The following SPATA46 variants were observed in gnomAD, a reference collection of about 807,000 sequenced individuals.
SPATA46 encodes spermatogenesis associated 46.
Under a neutral mutation model 6.2 loss-of-function variants are expected in SPATA46, and 3 were observed. That is an observed-to-expected ratio of 0.48 (90% CI 0.22 to 1.25). SPATA46 has a LOEUF of 1.25. SPATA46 is among the 50% of genes most tolerant of loss of function. The pLI is 0.20. For synonymous variants in SPATA46, 117 were observed against 123.3 expected (o/e 0.95, Z 0.34); for missense variants, 308 against 323.5 (o/e 0.95, Z 0.37).
chr1:162,376,750 A>G lies in SPATA46; in HGVS notation c.41T>C (p.Ile14Thr). 1 of 1,614,104 alleles carries G rather than the reference A, an allele frequency of 6.2e-7. No individual in the cohort carries two copies. Among genetic ancestry groups the G allele is most frequent in the Non-Finnish European group, 8.5e-7 (1 of 1,180,018 alleles). Residue 14 changes from isoleucine (I) to threonine (T), a missense_variant, in exon 1 of 3, where the codon ATC becomes ACC. Coordinates refer to ENST00000367935, the MANE Select transcript of SPATA46 (RefSeq NM_182581.4). ...FSLLSISGPP[I>T]SSSALSAFPD... ...AAAAGCACTCAGGGCGGAGGAAGAG[A>G]TTGGAGGTCCAGAGATGCTGAGGAG...
chr1:162,376,594 A>T, intron 1 of SPATA46, 94 bp downstream of exon 1: 1 of 1,209,768 alleles, frequency 8.3e-7, no homozygotes, highest in Non-Finnish European at 1.2e-6. Flanking sequence ...CTTTCTCACT[A>T]AATCATGGTC....
chr1:162,374,071 C>CGCCAATTT lies in SPATA46; in HGVS notation c.755_762dup (p.Gly255LysfsTer25). On this transcript the variant is annotated frameshift_variant, in exon 3 of 3. Coordinates refer to ENST00000367935, the MANE Select transcript of SPATA46 (RefSeq NM_182581.4). LOFTEE classifies it high-confidence loss of function. ...CTCTAGAGACATAAGTAGGCTTCAC[C>CGCCAATTT]GCCAATTTGCCTAAGGTGTTCAGCA... The CGCCAATTT allele has an allele frequency of 6.2e-7, 1 of 1,608,978 alleles. No homozygotes were observed.
At position 162,374,361 on chromosome 1, in the gene SPATA46, C is replaced by T. The variant is rs1387715518; in HGVS notation, c.473G>A (p.Arg158Lys). 1.2e-6 allele frequency: 2 copies of T among 1,614,074 alleles called. No individual in the cohort carries two copies. The highest frequency in any genetic ancestry group is 1.7e-6 in the Non-Finnish European group (2 of 1,180,044). Residue 158 changes from arginine (R) to lysine (K), a missense_variant, in exon 3 of 3, where the codon AGG becomes AAG. Physicochemically the swap from Arg to Lys is conservative, Grantham distance 26. Transcript: ENST00000367935. ...GGATGTGATGGAGTCCAGGCCATGC[C>T]TGGATTTCTTGGTGGCTTCTCGAGG... ...TCPREATKKS[R>K]HGLDSITSQD... is the part of the protein sequence containing the mutation.
At position 162,373,227 on chromosome 1, in the gene SPATA46, C is replaced by T. The variant is rs553606529; in HGVS notation, c.*821G>A. On this transcript the variant is annotated 3_prime_UTR_variant, in exon 3 of 3. Transcript: ENST00000367935. ...CAAGATAGATGTCTCTGCTGCATCC[C>T]TGATGCTTATCCATCTTTCTGGGTC... 2.0e-5 allele frequency: 3 copies of T among 152,322 alleles called. No homozygotes were observed. The highest frequency in any genetic ancestry group is 2.9e-5 in the Non-Finnish European group (2 of 68,042). 9.4% of individuals were successfully genotyped at this position (152,322 alleles called of 1,614,324 possible).
rs182178991 is a variant in SPATA46, at chr1:162,374,591, G to A, written c.243C>T (p.His81=). 106 of 1,612,728 alleles carry A rather than the reference G, an allele frequency of 6.6e-5. No individual in the cohort carries two copies. Among genetic ancestry groups the A allele is most frequent in the East Asian group, 5.1e-4 (23 of 44,880 alleles). ...TGCAGTTCCGCCTCAGCTTCTCTCC[G>A]TGCTGGGTATCCCCCAAGCTGCAGT... ...SPDCSLGDTQ[H]GEKLRRNCTI... The change falls in exon 3 of 3, where the codon CAC becomes CAT. Residue 81 remains histidine, a synonymous_variant. Coordinates refer to ENST00000367935, the MANE Select transcript of SPATA46 (RefSeq NM_182581.4).
At position 162,374,598 on chromosome 1, in the gene SPATA46, G is replaced by C; in HGVS notation, c.236C>G (p.Thr79Ser). ...ALSPDCSLGD[T>S]QHGEKLRRNC... ...CCGCCTCAGCTTCTCTCCGTGCTGG[G>C]TATCCCCCAAGCTGCAGTCTGCAAA... Residue 79 changes from threonine (T) to serine (S), a missense_variant, in exon 3 of 3, where the codon ACC (threonine) becomes AGC (serine). Thr to Ser is a moderately conservative substitution (Grantham distance 58). Coordinates refer to ENST00000367935, the MANE Select transcript of SPATA46 (RefSeq NM_182581.4). The C allele has an allele frequency of 6.2e-7, 1 of 1,612,318 alleles. No individual in the cohort carries two copies. Among genetic ancestry groups the C allele is most frequent in the East Asian group, 2.2e-5 (1 of 44,876 alleles).
intron 2 of SPATA46, 124 bp from the exon 3 acceptor site, chr1:162,374,740 G>A (rs1647588951): frequency 2.1e-6 from 2 of 955,356 alleles, no homozygotes; most frequent in South Asian, 3.3e-5. Flanking sequence ...CACCACGATT[G>A]CAGTTCTGAG....
intron 1 of SPATA46, 146 bp from the exon 2 acceptor site, chr1:162,375,549 G>A (rs1415401095): frequency 1.6e-6 from 1 of 640,856 alleles, no homozygotes; most frequent in South Asian, 1.9e-5. Flanking sequence ...AACTCAGCCA[G>A]GCAGAGCTAT....
rs187072387 is a variant in SPATA46, at chr1:162,376,238, G to A, written c.103+450C>T. ...CTGCTGCTTAGGCTTCTCTGATTTG[G>A]CTAACTCCAAATCCTCTCCAAACTT... On this transcript the variant is annotated intron_variant, in intron 1 of 2. Transcript: ENST00000367935. Among the ~76,000 whole-genome samples, 245 of 152,188 alleles carry A rather than the reference G, an allele frequency of 1.6e-3. 3 individuals carry two copies. The highest frequency in any genetic ancestry group is 5.6e-3 in the African/African-American group (233 of 41,506).
At chr1:162,376,520 G>A in intron 1 of SPATA46, 168 bp downstream of exon 1, 1 of 670,164 alleles carries the variant, frequency 1.5e-6, no homozygotes, top group South Asian at 2.0e-5. Flanking sequence ...TCAATACACA[G>A]CAGTAACTAC....
Position 162,375,400 on chromosome 1 carries a change from AT to A in SPATA46, c.106del (p.Ile36LeufsTer50). 1 of 1,613,648 alleles carries A rather than the reference AT, an allele frequency of 6.2e-7. No individual in the cohort carries two copies. The highest frequency in any genetic ancestry group is 1.1e-5 in the South Asian group (1 of 91,072). Reference protein sequence around the residue: ...MFSRATSLPDIAKTAVPTEAS... With the variant: ...MFSRATSLPDXAKTAVPTEAS... Reference sequence around the variant, plus strand: ...CTCAGTGGGTACTGCTGTCTTTGCAATGTCTGGGTTATAGAAGAAACACTGG... The same window carrying A: ...CTCAGTGGGTACTGCTGTCTTTGCAAGTCTGGGTTATAGAAGAAACACTGG... On this transcript the variant is annotated frameshift_variant and splice_region_variant, in exon 2 of 3. Transcript: ENST00000367935. LOFTEE classifies it high-confidence loss of function.
chr1:162,376,328 C>T (rs766833571), intron 1 of SPATA46, among the ~76,000 whole-genome samples: 3 of 152,060 alleles, frequency 2.0e-5, no homozygotes, highest in Non-Finnish European at 4.4e-5. Context: ...AGATTTCATG[C>T]ACAATCTAGG....
intron 2 of SPATA46, 64 bp from the exon 3 acceptor site, chr1:162,374,680 C>T (rs1571258102): frequency 2.0e-6 from 3 of 1,504,058 alleles, no homozygotes; most frequent in African/African-American, 2.8e-5. Flanking sequence ...GATGCTGGAG[C>T]AGAAAGGTAA....
At position 162,376,679 on chromosome 1, in the gene SPATA46, A is replaced by C; in HGVS notation, c.103+9T>G. Reference sequence around the variant, plus strand: ...ACATCTTTGTGGCCCTAGTGGCACCAAAGTTTACCTGGCAGGCTGGTGGCA... The same window carrying C: ...ACATCTTTGTGGCCCTAGTGGCACCCAAGTTTACCTGGCAGGCTGGTGGCA... On this transcript the variant is annotated intron_variant, in intron 1 of 2. Transcript: ENST00000367935. The C allele has an allele frequency of 6.2e-7, 1 of 1,613,012 alleles. No individual in the cohort carries two copies. Among genetic ancestry groups the C allele is most frequent in the Non-Finnish European group, 8.5e-7 (1 of 1,179,134 alleles).
chr1:162,373,994 G>A lies in SPATA46; in HGVS notation c.*54C>T. On this transcript the variant is annotated 3_prime_UTR_variant, in exon 3 of 3. Coordinates refer to ENST00000367935, the MANE Select transcript of SPATA46 (RefSeq NM_182581.4). ...GGTTCTGGGAAGGACAGCAGGCTGTGCGGGGTGACCTCAGACTGGACAGAA... is the reference window on the plus strand; with the variant it reads ...GGTTCTGGGAAGGACAGCAGGCTGTACGGGGTGACCTCAGACTGGACAGAA... 6.6e-7 allele frequency: 1 copy of A among 1,522,600 alleles called. No individual in the cohort carries two copies. Among genetic ancestry groups the A allele is most frequent in the Non-Finnish European group, 8.9e-7 (1 of 1,129,100 alleles). 94.3% of individuals were successfully genotyped at this position (1,522,600 alleles called of 1,614,324 possible).
At chr1:162,374,714 T>C (rs551018437) in intron 2 of SPATA46, 98 bp from the exon 3 acceptor site, 1 of 1,252,404 alleles carries the variant, frequency 8.0e-7, no homozygotes, top group South Asian at 1.5e-5. Flanking sequence ...AGGCATGACC[T>C]CGGTTACCTC....
Position 162,373,843 on chromosome 1 carries a change from T to G in SPATA46, c.*205A>C. On this transcript the variant is annotated 3_prime_UTR_variant, in exon 3 of 3. Transcript: ENST00000367935. ...TGCTGGTACTGCCAGCTGGGCACCT[T>G]TGAGAACCTCTATCTTAGATGATTT... The G allele has an allele frequency of 1.8e-6, 1 of 570,604 alleles. No homozygotes were observed. Among genetic ancestry groups the G allele is most frequent in the Non-Finnish European group, 3.0e-6 (1 of 338,696 alleles). 35.3% of individuals were successfully genotyped at this position (570,604 alleles called of 1,614,324 possible).
At position 162,374,373 on chromosome 1, in the gene SPATA46, G is replaced by A; in HGVS notation, c.461C>T (p.Thr154Ile). The A allele has an allele frequency of 6.2e-7, 1 of 1,614,234 alleles. No individual in the cohort carries two copies. Among genetic ancestry groups the A allele is most frequent in the East Asian group, 2.2e-5 (1 of 44,882 alleles). Residue 154 changes from threonine (T) to isoleucine (I), a missense_variant, in exon 3 of 3, where the codon ACC becomes ATC. By Grantham distance (89) the Thr-to-Ile change is moderately conservative. Transcript: ENST00000367935. ...GTCCAGGCCATGCCTGGATTTCTTG[G>A]TGGCTTCTCGAGGGCAAGTGTTCTC... ...SPENTCPREA[T>I]KKSRHGLDSI...
chr1:162,375,487 A>C, intron 1 of SPATA46, 84 bp from the exon 2 acceptor site: 4 of 1,056,592 alleles, frequency 3.8e-6, no homozygotes, highest in South Asian at 1.3e-5. Context: ...CTAGGGGCTC[A>C]ACCTCTGTAC....
Sources: gnomAD v4.1 joint callset for allele counts (sites outside exome capture counted in the v4.1 genomes callset) on GRCh38, gnomAD v4.1.1 for gene constraint, MANE v1.5 for transcripts, NCBI Gene and HGNC (gene_info 2026-07-23, HGNC 2026-07-21) for gene names.